The following GLIPR1L1 variants were observed in gnomAD, a reference collection of about 807,000 sequenced individuals.
The protein encoded by GLIPR1L1 is GLIPR1-like protein 1.
In GLIPR1L1, 26 loss-of-function variants were observed where a neutral mutation model predicts 29.9. The ratio of observed to expected loss-of-function variants is 0.87; its 90% CI spans 0.64 to 1.21. GLIPR1L1 has a LOEUF of 1.21. Ranked by LOEUF, GLIPR1L1 falls within the 50% of genes most tolerant of loss-of-function variation. GLIPR1L1 has a pLI of 0.00. For missense variants in GLIPR1L1, 305 were observed against 290.3 expected, an observed-to-expected ratio of 1.05 and a Z score of -0.37; for synonymous variants, 77 against 97.5, an observed-to-expected ratio of 0.79 and a Z score of 1.24.
intron 3 of GLIPR1L1, among the ~76,000 whole-genome samples, chr12:75,358,390 G>A (rs910393739): frequency 6.6e-6 from 1 of 151,630 alleles, no homozygotes; most frequent in African/African-American, 2.4e-5. Context: ...TCTAAGAGGG[G>A]TATATTCCAG....
rs556550515 is a variant in GLIPR1L1 at position 75,357,605 on chromosome 12, T to C, written c.522-5497T>C. Among the ~76,000 whole-genome samples the C allele has an allele frequency of 2.0e-5, 3 of 152,240 alleles. No homozygotes were observed. The South Asian group carries it at 6.2e-4, about 32-fold the overall frequency. On this transcript the variant is annotated intron_variant, in intron 3 of 5. Coordinates refer to ENST00000378695, the MANE Select transcript of GLIPR1L1 (RefSeq NM_001304964.2). ...ATTTAATAATAAAGACCACATGCTATGTCATAAAACAGATCTTGATACATT... is the reference window on the plus strand; with the variant it reads ...ATTTAATAATAAAGACCACATGCTACGTCATAAAACAGATCTTGATACATT...
At chr12:75,348,702 T>C (rs939894168) in intron 3 of GLIPR1L1, among the ~76,000 whole-genome samples, 1 of 152,158 alleles carries the variant, frequency 6.6e-6, no homozygotes, top group Non-Finnish European at 1.5e-5. Context: ...AGATTTCTTA[T>C]GGGTCTTGTG....
intron 4 of GLIPR1L1, chr12:75,369,722 T>C (rs1253738922): frequency 2.0e-6 from 2 of 985,252 alleles, no homozygotes; most frequent in Non-Finnish European, 2.4e-6. Flanking sequence ...GTTTTGACTT[T>C]TGTGCCTTCA....
At chr12:75,344,573 A>G (rs1279048162) in intron 2 of GLIPR1L1, among the ~76,000 whole-genome samples, 1 of 152,084 alleles carries the variant, frequency 6.6e-6, no homozygotes, top group East Asian at 1.9e-4. Flanking sequence ...TTTCCCTGCT[A>G]GCTCTAGTAT....
intron 3 of GLIPR1L1, among the ~76,000 whole-genome samples, chr12:75,362,243 A>G (rs970452621): frequency 3.3e-5 from 5 of 152,176 alleles, no homozygotes; most frequent in Admixed American, 3.3e-4. Flanking sequence ...GTAGGTAACA[A>G]ATACACACAT....
At chr12:75,351,545 G>GTTTTTTTTTTTT (rs200327101) in intron 3 of GLIPR1L1, among the ~76,000 whole-genome samples, 1 of 148,430 alleles carries the variant, frequency 6.7e-6, no homozygotes, top group African/African-American at 2.5e-5. Flanking sequence ...ACTCTGTTTT[G>GTTTTTTTTTTTT]TTTTGTTTTT....
intron 1 of GLIPR1L1, among the ~76,000 whole-genome samples, chr12:75,343,327 T>C (rs2042239642): frequency 1.3e-5 from 2 of 152,048 alleles, no homozygotes; most frequent in African/African-American, 4.8e-5. Context: ...TTTTTGCCCT[T>C]TTTAATTATC....
intron 4 of GLIPR1L1, chr12:75,364,932 C>T (rs1405432484): frequency 6.6e-6 from 1 of 152,056 alleles, no homozygotes. Context: ...CAGGAATCAG[C>T]AAATTATTTA....
chr12:75,338,878 T>G (rs1366507806), intron 1 of GLIPR1L1, among the ~76,000 whole-genome samples: 1 of 152,220 alleles, frequency 6.6e-6, no homozygotes, highest in Admixed American at 6.5e-5. Flanking sequence ...TGCATTAGTT[T>G]GCTGAGGATA....
chr12:75,343,936 C>A lies in GLIPR1L1; in HGVS notation c.418C>A (p.Gln140Lys). 1 of 1,601,838 alleles carries A rather than the reference C, an allele frequency of 6.2e-7. No individual in the cohort carries two copies. The highest frequency in any genetic ancestry group is 8.5e-7 in the Non-Finnish European group (1 of 1,172,592). Residue 140 changes from glutamine to lysine, a missense_variant and splice_region_variant, in exon 2 of 6, where the codon CAG (glutamine) becomes AAG (lysine). Transcript: ENST00000378695. ...CTCCAGAGTCTGTGGCCATTATACA[C>A]AGGTAAATATTTGACATCTTTATTG... ...SCSRVCGHYT[Q>K]LVWANSFYVG...
At chr12:75,359,310 T>C (rs1242680586) in intron 3 of GLIPR1L1, among the ~76,000 whole-genome samples, 2 of 144,642 alleles carry the variant, frequency 1.4e-5, no homozygotes, top group African/African-American at 5.1e-5. Flanking sequence ...AATAGCGACA[T>C]ATATGTTGTT....
chr12:75,359,357 C>CTTTTTTTGTT (rs2043399402), intron 3 of GLIPR1L1, among the ~76,000 whole-genome samples: 1 of 28,600 alleles, frequency 3.5e-5, no homozygotes. Flanking sequence ...GCATTGTTGT[C>CTTTTTTTGTT]TTTTTTTTTT....
At chr12:75,365,103 C>A (rs2043877487) in intron 4 of GLIPR1L1, 1 of 152,082 alleles carries the variant, frequency 6.6e-6, no homozygotes, top group South Asian at 2.1e-4. Context: ...CCACCTCTTG[C>A]ACAATAGTCC....
chr12:75,365,485 A>C (rs969785655), intron 4 of GLIPR1L1, among the ~76,000 whole-genome samples: 1 of 152,174 alleles, frequency 6.6e-6, no homozygotes, highest in Non-Finnish European at 1.5e-5. Flanking sequence ...CTTCTTTTGC[A>C]TATAACTTTT....
At chr12:75,341,781 T>G (rs1593677576) in intron 1 of GLIPR1L1, among the ~76,000 whole-genome samples, 2 of 102,062 alleles carry the variant, frequency 2.0e-5, no homozygotes, top group African/African-American at 8.2e-5. Context: ...TGAGATGGAG[T>G]CTCTGTCACC....
At chr12:75,353,023 A>C (rs905751192) in intron 3 of GLIPR1L1, among the ~76,000 whole-genome samples, 2 of 152,188 alleles carry the variant, frequency 1.3e-5, no homozygotes, top group Admixed American at 1.3e-4. Context: ...TATAGTGCTA[A>C]ATGCTCACAT....
At chr12:75,352,159 A>G (rs747223770) in intron 3 of GLIPR1L1, among the ~76,000 whole-genome samples, 3 of 152,252 alleles carry the variant, frequency 2.0e-5, no homozygotes, top group Admixed American at 6.5e-5. Flanking sequence ...ATATAACTAT[A>G]CTAACGTTAA....
At chr12:75,358,284 T>C (rs1028959879) in intron 3 of GLIPR1L1, among the ~76,000 whole-genome samples, 13 of 151,856 alleles carry the variant, frequency 8.6e-5, no homozygotes, top group Middle Eastern at 3.4e-3. Flanking sequence ...AAGAGAAAAG[T>C]ATAGAGCAAT....
At chr12:75,355,803 A>G (rs2043120109) in intron 3 of GLIPR1L1, among the ~76,000 whole-genome samples, 1 of 152,242 alleles carries the variant, frequency 6.6e-6, no homozygotes, top group East Asian at 1.9e-4. Context: ...AGCCATAAAA[A>G]GGAATGAGAT....
Sources: allele counts gnomAD v4.1 joint callset (sites outside exome capture counted in the v4.1 genomes callset), GRCh38; gene constraint gnomAD v4.1.1; transcripts MANE v1.5; gene names NCBI Gene and HGNC (gene_info 2026-07-23, HGNC 2026-07-21).